TNPO3: variants seen among roughly 807,000 people sequenced by gnomAD.
TNPO3 encodes transportin-3.
In TNPO3, 65 loss-of-function variants were observed where a neutral mutation model predicts 122.8. The ratio of observed to expected loss-of-function variants is 0.53; its 90% CI spans 0.43 to 0.65. The LOEUF is 0.65. Among genes scored for constraint, TNPO3 ranks in the 30% least tolerant of loss-of-function variants. TNPO3 has a pLI of 0.00. For synonymous variants in TNPO3, 372 were observed against 411.2 expected (o/e 0.90, Z 1.15); for missense variants, 850 against 1,136.7 (o/e 0.75, Z 3.63).
intron 10 of TNPO3, 124 bp from the exon 11 acceptor site, chr7:128,990,224 AG>A: frequency 9.8e-7 from 1 of 1,020,084 alleles, no homozygotes; most frequent in Non-Finnish European, 1.6e-6. Context: ...TTAAGATAAA[AG>A]TACTTGGTAT....
chr7:129,007,745 G>A (rs551700207), intron 4 of TNPO3, among the ~76,000 whole-genome samples: 17 of 152,292 alleles, frequency 1.1e-4, no homozygotes, highest in African/African-American at 3.8e-4. Flanking sequence ...AATTAACCAC[G>A]TAACTATGAG....
At chr7:129,052,214 T>G (rs142598937) in intron 1 of TNPO3, among the ~76,000 whole-genome samples, 1 of 152,296 alleles carries the variant, frequency 6.6e-6, no homozygotes, top group Non-Finnish European at 1.5e-5. Flanking sequence ...CCGGTTGGGT[T>G]TGGCCAATGG....
Position 128,974,973 on chromosome 7 carries a change from A to G in TNPO3, c.2179-11T>C. The G allele has an allele frequency of 1.2e-6, 2 of 1,610,112 alleles. No individual in the cohort carries two copies. Among genetic ancestry groups the G allele is most frequent in the Non-Finnish European group, 1.7e-6 (2 of 1,176,486 alleles). On this transcript the variant is annotated splice_polypyrimidine_tract_variant and intron_variant, in intron 17 of 22. Transcript: ENST00000265388. Reference sequence around the variant, plus strand: ...GGGGATGCACAGTGCCTAAAACAAAACAGTGATTTTAAAAGAAATGCTTTT... The same window carrying G: ...GGGGATGCACAGTGCCTAAAACAAAGCAGTGATTTTAAAAGAAATGCTTTT...
chr7:128,979,033 G>T lies in TNPO3; in HGVS notation c.2011C>A (p.Arg671Ser), dbSNP rs1799368085. ...GCTGCAGATCCTTTGCCTACACAGC[G>T]AACAGCAAAGCGCAGGCACCTGCAA... ...RCCRCLRFAVRCVGKGSAALL... is the reference protein window; with the variant it reads ...RCCRCLRFAVSCVGKGSAALL... Residue 671 changes from arginine (R) to serine (S), a missense_variant, in exon 16 of 23, where the codon CGC becomes AGC. Transcript: ENST00000265388. 1 of 1,614,190 alleles carries T rather than the reference G, an allele frequency of 6.2e-7. No homozygotes were observed. The highest frequency in any genetic ancestry group is 2.2e-5 in the East Asian group (1 of 44,890).
chr7:129,019,190 C>G (rs1804180293), intron 1 of TNPO3, among the ~76,000 whole-genome samples: 2 of 152,162 alleles, frequency 1.3e-5, no homozygotes, highest in Admixed American at 6.5e-5. Context: ...ATTTTGAAGA[C>G]AACTTTGGAA....
At chr7:128,962,814 T>G (rs1230734377) in intron 21 of TNPO3, among the ~76,000 whole-genome samples, 1 of 33,320 alleles carries the variant, frequency 3.0e-5, no homozygotes, top group East Asian at 7.0e-4. Context: ...AGATAACAGG[T>G]TTTTTTTTTC....
At chr7:129,021,104 C>G (rs1804448824) in intron 1 of TNPO3, among the ~76,000 whole-genome samples, 1 of 151,912 alleles carries the variant, frequency 6.6e-6, no homozygotes, top group East Asian at 1.9e-4. Flanking sequence ...GCCTGTAATC[C>G]CAGCACTTTG....
intron 1 of TNPO3, among the ~76,000 whole-genome samples, chr7:129,021,915 C>A (rs1179720991): frequency 6.6e-6 from 1 of 151,476 alleles, no homozygotes; most frequent in Non-Finnish European, 1.5e-5. Context: ...CAGATAATGT[C>A]TTAAGAGAAA....
chr7:128,956,895 C>T (rs79016461), intron 22 of TNPO3, among the ~76,000 whole-genome samples: 7,323 of 152,250 alleles, frequency 0.048, 581 homozygotes, highest in African/African-American at 0.17. Context: ...GTTAAAAATA[C>T]TTATTTGTTT....
In TNPO3 at chr7:128,986,606, C is replaced by T. The variant is rs1563094084; in HGVS notation, c.1690+123G>A. 3.4e-6 allele frequency: 3 copies of T among 874,444 alleles called. No individual in the cohort carries two copies. In the African/African-American group the frequency reaches 5.1e-5, roughly 15 times the overall value. 54.2% of individuals were successfully genotyped at this position (874,444 alleles called of 1,614,324 possible). A position where few individuals can be genotyped will look rare whatever the true frequency, so the allele number is the denominator to read the frequency against. On this transcript the variant is annotated intron_variant, in intron 12 of 22. Transcript: ENST00000265388. ...CCCCTCTAGTGGAAAAGCCATCTTC[C>T]TCATCTTATAAATTCTTAAACACTA... is the stretch of plus-strand genomic sequence containing the variant.
rs1481460481 is a variant in TNPO3 at position 129,014,991 on chromosome 7, T to C, written c.540A>G (p.Val180=). Residue 180 remains valine, a synonymous_variant, in exon 4 of 23, where the codon GTA becomes GTG. Coordinates refer to ENST00000265388, the MANE Select transcript of TNPO3 (RefSeq NM_012470.4). ...IEDLAFYSST[V]VSLLMTCVEK... The stretch of plus-strand genomic sequence containing the variant: ...CAAACTTACTCACCAATAGAGATAC[T>C]ACTGTACTAGAGTAGAAGGCCAAAT... 2 of 1,602,984 alleles carry C rather than the reference T, an allele frequency of 1.2e-6. No individual in the cohort carries two copies. Among genetic ancestry groups the C allele is most frequent in the South Asian group, 1.1e-5 (1 of 88,134 alleles).
rs191273797 is a variant in TNPO3, at chr7:129,015,411, T to C, written c.396-276A>G. Among the ~76,000 whole-genome samples, 4 of 152,346 alleles carry C rather than the reference T, an allele frequency of 2.6e-5. No homozygotes were observed. The East Asian group carries it at 5.8e-4, about 22-fold the overall frequency. Reference sequence around the variant, plus strand: ...TAATGTAGTAAGTGAAAAACATGTATGAAACATATTGAATATGGGTGAACA... The same window carrying C: ...TAATGTAGTAAGTGAAAAACATGTACGAAACATATTGAATATGGGTGAACA... On this transcript the variant is annotated intron_variant, in intron 3 of 22. Coordinates refer to ENST00000265388, the MANE Select transcript of TNPO3 (RefSeq NM_012470.4).
intron 19 of TNPO3, among the ~76,000 whole-genome samples, chr7:128,971,962 C>T (rs1333915286): frequency 6.6e-6 from 1 of 152,164 alleles, no homozygotes; most frequent in Non-Finnish European, 1.5e-5. Context: ...TCAAGACCAA[C>T]CTGGGCAACA....
rs1031002539 is a variant in TNPO3 at position 129,000,561 on chromosome 7, C to T, written c.879G>A (p.Leu293=). 6 of 1,613,310 alleles carry T rather than the reference C, an allele frequency of 3.7e-6. No individual in the cohort carries two copies. In the African/African-American group the frequency reaches 6.7e-5, roughly 18 times the overall value. The change falls in exon 7 of 23, where the codon CTG becomes CTA. Residue 293 remains leucine, a synonymous_variant. Transcript: ENST00000265388. ...AVAREDLDKV[L]NYCRIFTELC... ...GTTCAGTGAAAATACGGCAGTAATT[C>T]AGAACTCTGTAGAAGACAGGGGAAT...
At chr7:128,964,599 T>G (rs780388652) in intron 21 of TNPO3, among the ~76,000 whole-genome samples, 1 of 152,118 alleles carries the variant, frequency 6.6e-6, no homozygotes, top group Non-Finnish European at 1.5e-5. Flanking sequence ...CCTCCCAAAG[T>G]GCTGGGATTA....
At position 129,034,000 on chromosome 7, in the gene TNPO3, G is replaced by T. The variant is rs559143097; in HGVS notation, c.121-15843C>A. 1.3e-4 allele frequency among the ~76,000 whole-genome samples: 20 copies of T among 150,948 alleles called. No individual in the cohort carries two copies. The South Asian group carries it at 4.2e-3, about 32-fold the overall frequency. On this transcript the variant is annotated intron_variant, in intron 1 of 22. Coordinates refer to ENST00000265388, the MANE Select transcript of TNPO3 (RefSeq NM_012470.4). ...CTGCAGCATTATTCACAATAACCAA[G>T]AGATAGAAGCAACCTAAATGCCCAT...
intron 13 of TNPO3, among the ~76,000 whole-genome samples, chr7:128,983,580 A>T (rs1275080218): frequency 6.6e-6 from 1 of 152,232 alleles, no homozygotes; most frequent in Non-Finnish European, 1.5e-5. Context: ...TCTATAGCCC[A>T]TCAATCTTAT....
At chr7:128,989,815 A>T in intron 11 of TNPO3, 146 bp downstream of exon 11, 1 of 849,370 alleles carries the variant, frequency 1.2e-6, no homozygotes, top group Admixed American at 2.8e-5. Flanking sequence ...ATAAGCACTA[A>T]CTTACAACAT....
chr7:128,974,417 G>A (rs767222388), intron 18 of TNPO3, among the ~76,000 whole-genome samples: 34 of 151,198 alleles, frequency 2.2e-4, no homozygotes, highest in Non-Finnish European at 4.7e-4. Context: ...TAGGCTGTGA[G>A]TAGAGCTGAG....
Sources: allele counts gnomAD v4.1 joint callset (sites outside exome capture counted in the v4.1 genomes callset), GRCh38; gene constraint gnomAD v4.1.1; transcripts MANE v1.5; gene names NCBI Gene and HGNC (gene_info 2026-07-23, HGNC 2026-07-21).